PDE8B: variants seen among roughly 807,000 people sequenced by gnomAD.
The protein encoded by PDE8B is phosphodiesterase 8B.
PDE8B carries 26 observed loss-of-function variants against 101.3 expected under a neutral mutation model. That is an observed-to-expected ratio of 0.26 (90% confidence interval 0.19 to 0.36). PDE8B has a LOEUF of 0.36. PDE8B is among the 10% of genes least tolerant of loss of function. The pLI is 1.00. For synonymous variants in PDE8B, 424 were observed against 429.3 expected (o/e 0.99, Z 0.15); for missense variants, 810 against 1,163.1 (o/e 0.70, Z 4.42).
chr5:77,414,989 G>C (rs1283492041), intron 17 of PDE8B, among the ~76,000 whole-genome samples: 3 of 152,188 alleles, frequency 2.0e-5, no homozygotes, highest in African/African-American at 7.2e-5. Context: ...TGTGAGTTCT[G>C]CTAGTGTATT....
chr5:77,389,974 G>A (rs897857693), intron 10 of PDE8B, among the ~76,000 whole-genome samples: 5 of 152,176 alleles, frequency 3.3e-5, no homozygotes, highest in Admixed American at 3.3e-4. Context: ...GGGCTGCGTA[G>A]TAGGTGGATG....
At position 77,304,925 on chromosome 5, in the gene PDE8B, T is replaced by C. The variant is rs557769732; in HGVS notation, c.340-7069T>C. On this transcript the variant is annotated intron_variant, in intron 1 of 21. Coordinates refer to ENST00000264917, the MANE Select transcript of PDE8B (RefSeq NM_003719.5). ...GGAGGTATCTGGAAATGAACACAGA[T>C]AGCTGTCAATGTCTGGGTCCAGGCA... Among the ~76,000 whole-genome samples the C allele has an allele frequency of 2.4e-4, 37 of 152,342 alleles. No homozygotes were observed. In the East Asian group the frequency reaches 7.0e-3, roughly 29 times the overall value.
chr5:77,286,024 GTGATATTA>G (rs1400591047), intron 1 of PDE8B, among the ~76,000 whole-genome samples: 1 of 152,026 alleles, frequency 6.6e-6, no homozygotes, highest in Non-Finnish European at 1.5e-5. Context: ...AATCATAATA[GTGATATTA>G]AAGTCTTTGG....
At chr5:77,183,103 CTATTAT>C in the PDE8B span, among the ~76,000 whole-genome samples, 28 of 130,204 alleles carry the variant, frequency 2.2e-4, no homozygotes, top group African/African-American at 6.4e-4. Context: ...TGAAGATGTG[CTATTAT>C]TATTATTATT....
At chr5:77,305,990 G>A (rs569652128) in intron 1 of PDE8B, among the ~76,000 whole-genome samples, 1 of 152,262 alleles carries the variant, frequency 6.6e-6, no homozygotes, top group South Asian at 2.1e-4. Flanking sequence ...TTGAAGTGGG[G>A]AAGATTCAGA....
Position 77,329,965 on chromosome 5 carries a change from C to T in PDE8B, c.650+908C>T, listed in dbSNP as rs150571696. On this transcript the variant is annotated intron_variant, in intron 4 of 21. Transcript: ENST00000264917. ...ACTGAAGACTCCTACTTACCTGCTA[C>T]TCCTTGAGTGTCTCCCTAGGGGCTA... 8.3e-4 allele frequency among the ~76,000 whole-genome samples: 126 copies of T among 152,270 alleles called. 2 individuals carry two copies. In the East Asian group the frequency reaches 0.024, roughly 28 times the overall value.
chr5:77,233,345 C>T (rs1753971536), intron 1 of PDE8B, among the ~76,000 whole-genome samples: 1 of 152,112 alleles, frequency 6.6e-6, no homozygotes, highest in African/African-American at 2.4e-5. Context: ...AGTCCTACAT[C>T]CCCCTTCCCC....
intron 1 of PDE8B, among the ~76,000 whole-genome samples, chr5:77,246,486 A>G (rs1265589691): frequency 6.6e-6 from 1 of 152,250 alleles, no homozygotes; most frequent in Admixed American, 6.5e-5. Flanking sequence ...ATGACTTAAG[A>G]AAGGGATTTA....
At chr5:77,112,669 G>A in the PDE8B span, 3 of 152,112 alleles carry the variant, frequency 2.0e-5, no homozygotes, top group South Asian at 2.1e-4. Flanking sequence ...TCTGGCTAAG[G>A]CAATCAGGCA....
intron 1 of PDE8B, among the ~76,000 whole-genome samples, chr5:77,302,426 CTG>C (rs1770174359): frequency 6.6e-6 from 1 of 152,134 alleles, no homozygotes; most frequent in Non-Finnish European, 1.5e-5. Flanking sequence ...AAGCACATCA[CTG>C]TGTCTAGTGC....
At chr5:77,152,744 C>G in the PDE8B span, among the ~76,000 whole-genome samples, 1 of 152,136 alleles carries the variant, frequency 6.6e-6, no homozygotes, top group Non-Finnish European at 1.5e-5. Flanking sequence ...AGAGGCTGAG[C>G]CTGCCCACCC....
intron 10 of PDE8B, among the ~76,000 whole-genome samples, chr5:77,393,324 G>A (rs1016094902): frequency 6.6e-6 from 1 of 151,906 alleles, no homozygotes; most frequent in African/African-American, 2.4e-5. Context: ...GACCCGGGAG[G>A]CAGAAGTTGC....
upstream of PDE8B, among the ~76,000 whole-genome samples, chr5:77,207,396 A>G (rs935649689): frequency 6.6e-6 from 1 of 152,210 alleles, no homozygotes; most frequent in Admixed American, 6.5e-5. Flanking sequence ...ATTTAATACT[A>G]TTATAAAACA....
chr5:77,339,252 G>A (rs919712732), intron 6 of PDE8B, among the ~76,000 whole-genome samples: 1 of 152,106 alleles, frequency 6.6e-6, no homozygotes, highest in African/African-American at 2.4e-5. Context: ...CCGTTGTTGA[G>A]GTCATAATGA....
the PDE8B span, among the ~76,000 whole-genome samples, chr5:77,160,769 G>T: frequency 1.3e-5 from 2 of 152,032 alleles, no homozygotes; most frequent in African/African-American, 4.8e-5. Context: ...TCCCACCTCA[G>T]CCTCCCAAGT....
chr5:77,315,238 A>C (rs1174758921), intron 2 of PDE8B, among the ~76,000 whole-genome samples: 1 of 152,182 alleles, frequency 6.6e-6, no homozygotes, highest in Non-Finnish European at 1.5e-5. Context: ...CTCCCAGGTC[A>C]AGAAGATAAT....
intron 3 of PDE8B, among the ~76,000 whole-genome samples, chr5:77,327,463 C>G (rs1019171208): frequency 1.3e-5 from 2 of 152,190 alleles, no homozygotes; most frequent in Non-Finnish European, 2.9e-5. Flanking sequence ...AGCCTCTTGC[C>G]TAAAACCCAC....
At chr5:77,384,661 T>C (rs1788181766) in intron 10 of PDE8B, among the ~76,000 whole-genome samples, 2 of 152,190 alleles carry the variant, frequency 1.3e-5, no homozygotes, top group Admixed American at 6.5e-5. Flanking sequence ...ATACCTAGTT[T>C]ATTGAGAGTT....
chr5:77,366,271 C>T (rs1039453763), intron 10 of PDE8B, among the ~76,000 whole-genome samples: 6 of 152,094 alleles, frequency 3.9e-5, no homozygotes, highest in Admixed American at 1.3e-4. Context: ...ATCGTCCCTG[C>T]GACGCTGCAC....
Sources: allele counts gnomAD v4.1 joint callset (sites outside exome capture counted in the v4.1 genomes callset), GRCh38; gene constraint gnomAD v4.1.1; transcripts MANE v1.5; gene names NCBI Gene and HGNC (gene_info 2026-07-23, HGNC 2026-07-21).